RAB3GAP2: variants seen among roughly 807,000 people sequenced by gnomAD.
RAB3GAP2 encodes the protein rab3 GTPase-activating protein non-catalytic subunit.
RAB3GAP2 carries 87 observed loss-of-function variants against 185.3 expected under a neutral mutation model. That is an observed-to-expected ratio of 0.47 (90% CI 0.39 to 0.56). RAB3GAP2 has a LOEUF of 0.56. Among genes scored for constraint, RAB3GAP2 ranks in the 20% least tolerant of loss-of-function variants. The pLI is 0.00. For synonymous variants in RAB3GAP2, 554 were observed against 576.1 expected, an observed-to-expected ratio of 0.96 and a Z score of 0.55; for missense variants, 1,492 against 1,638.2, an observed-to-expected ratio of 0.91 and a Z score of 1.54.
rs1401613283 is a variant in RAB3GAP2, at chr1:220,164,764, C to T, written c.3123G>A (p.Leu1041=). 5.0e-6 allele frequency: 8 copies of T among 1,608,478 alleles called. No individual in the cohort carries two copies. The highest frequency in any genetic ancestry group is 6.8e-6 in the Non-Finnish European group (8 of 1,176,670). The change falls in exon 27 of 35, where the codon TTG becomes TTA. Residue 1041 remains leucine, a synonymous_variant. Coordinates refer to ENST00000358951, the MANE Select transcript of RAB3GAP2 (RefSeq NM_012414.4). Reference sequence around the variant, plus strand: ...GAACATGTGCATTAAATATTTGCTTCAAGTGTTCTATTGACCTAACAAAAA... The same window carrying T: ...GAACATGTGCATTAAATATTTGCTTTAAGTGTTCTATTGACCTAACAAAAA... The part of the protein sequence containing the change: ...ARFFVRSIEH[L]KQIFNAHVQN...
chr1:220,185,719 C>T lies in RAB3GAP2; in HGVS notation c.1802G>A (p.Ser601Asn). The change falls in exon 18 of 35, where the codon AGT becomes AAT. Residue 601 changes from serine to asparagine, a missense_variant. Coordinates refer to ENST00000358951, the MANE Select transcript of RAB3GAP2 (RefSeq NM_012414.4). ...KKQALESILA[S>N]ERLPFSCLRN... ...AAGGCAAGAAAATGGTAAACGTTCA[C>T]TTGCCAAAATGCTTTCCAAAGCCTA... is the stretch of plus-strand genomic sequence containing the variant. 6.2e-7 allele frequency: 1 copy of T among 1,612,160 alleles called. No homozygotes were observed. Among genetic ancestry groups the T allele is most frequent in the South Asian group, 1.1e-5 (1 of 91,046 alleles).
chr1:220,215,171 TA>T (rs1224174331), intron 2 of RAB3GAP2, among the ~76,000 whole-genome samples: 2 of 151,944 alleles, frequency 1.3e-5, no homozygotes, highest in African/African-American at 4.8e-5. Context: ...TATGCTGCAA[TA>T]AATAGGTTTA....
intron 18 of RAB3GAP2, among the ~76,000 whole-genome samples, chr1:220,184,398 A>T (rs1258596305): frequency 6.6e-6 from 1 of 152,146 alleles, no homozygotes; most frequent in Non-Finnish European, 1.5e-5. Flanking sequence ...ATAAAAAAGG[A>T]AGCGGAAATA....
intron 1 of RAB3GAP2, among the ~76,000 whole-genome samples, chr1:220,262,329 AC>A (rs1235838930): frequency 6.6e-6 from 1 of 151,822 alleles, no homozygotes; most frequent in Non-Finnish European, 1.5e-5. Flanking sequence ...AAACAAACAA[AC>A]AAAAAAACAT....
At chr1:220,183,225 C>T (rs1267336247) in intron 19 of RAB3GAP2, among the ~76,000 whole-genome samples, 4 of 150,986 alleles carry the variant, frequency 2.6e-5, no homozygotes, top group Non-Finnish European at 3.0e-5. Context: ...CTTGAGGGTA[C>T]TTTATTATCT....
At chr1:220,231,135 C>T (rs1166575383) in intron 2 of RAB3GAP2, among the ~76,000 whole-genome samples, 2 of 152,194 alleles carry the variant, frequency 1.3e-5, no homozygotes, top group Non-Finnish European at 2.9e-5. Flanking sequence ...AGAATAAACA[C>T]CAAATTCACA....
chr1:220,208,388 C>T (rs1659009320), intron 7 of RAB3GAP2: 1 of 152,096 alleles, frequency 6.6e-6, no homozygotes, highest in Non-Finnish European at 1.5e-5. Flanking sequence ...AAGTCTTCAG[C>T]CTGCAGTTTT....
At chr1:220,210,632 T>C in intron 6 of RAB3GAP2, 143 bp from the exon 7 acceptor site, 4 of 965,844 alleles carry the variant, frequency 4.1e-6, no homozygotes, top group Non-Finnish European at 6.6e-6. Flanking sequence ...TCCTCTTCTC[T>C]GTATCTTCTA....
intron 17 of RAB3GAP2, among the ~76,000 whole-genome samples, chr1:220,187,200 CACAGAGTTCCTATAATTT>C (rs1658522547): frequency 6.6e-6 from 1 of 152,188 alleles, no homozygotes; most frequent in African/African-American, 2.4e-5. Context: ...CAGTACCTGA[CACAGAGTTCCTATAATTT>C]CTTGAACAAT....
chr1:220,154,706 T>C (rs182266904), intron 31 of RAB3GAP2, among the ~76,000 whole-genome samples: 18 of 150,210 alleles, frequency 1.2e-4, no homozygotes, highest in East Asian at 9.9e-4. Context: ...GTAATACATA[T>C]ATGTACCCTG....
At chr1:220,196,229 G>A (rs374975789) in intron 10 of RAB3GAP2, 21 bp downstream of exon 10, 50 of 1,609,436 alleles carry the variant, frequency 3.1e-5, no homozygotes, top group Non-Finnish European at 3.8e-5. Flanking sequence ...CCTTACTCAT[G>A]ATCATTGATA....
chr1:220,169,839 AT>A (rs1401598441), intron 24 of RAB3GAP2, among the ~76,000 whole-genome samples: 1 of 152,242 alleles, frequency 6.6e-6, no homozygotes, highest in African/African-American at 2.4e-5. Flanking sequence ...TTATTAGTCC[AT>A]TTTGAAATGA....
chr1:220,214,923 T>C (rs1659157000), intron 2 of RAB3GAP2, among the ~76,000 whole-genome samples: 2 of 113,302 alleles, frequency 1.8e-5, no homozygotes, highest in African/African-American at 4.3e-5. Flanking sequence ...TTTTCCTCCC[T>C]TTTTCTTACA....
Position 220,149,264 on chromosome 1 carries a change from T to TAAC in RAB3GAP2, c.*1984_*1986dup, listed in dbSNP as rs920658229. The TAAC allele has an allele frequency of 6.6e-6, 1 of 152,164 alleles. No homozygotes were observed. Among genetic ancestry groups the TAAC allele is most frequent in the African/African-American group, 2.4e-5 (1 of 41,460 alleles). The allele number at this position is 152,164 out of a possible 1,614,324, so 9.4% of individuals were successfully genotyped here. A position where few individuals can be genotyped will look rare whatever the true frequency, so the allele number is the denominator to read the frequency against. ...ATGAAAAATTTTAGGATAACAAATCTAACTAGAGACTTAATGATTTGTGTT... is the reference window on the plus strand; with the variant it reads ...ATGAAAAATTTTAGGATAACAAATCTAACAACTAGAGACTTAATGATTTGTGTT... On this transcript the variant is annotated 3_prime_UTR_variant, in exon 35 of 35. Transcript: ENST00000358951.
chr1:220,218,192 C>T (rs994095180), intron 2 of RAB3GAP2, among the ~76,000 whole-genome samples: 8 of 152,072 alleles, frequency 5.3e-5, no homozygotes, highest in Admixed American at 3.3e-4. Flanking sequence ...AATAAAGAAG[C>T]AAAAAGCCAA....
At chr1:220,170,141 C>T (rs997253864) in intron 24 of RAB3GAP2, among the ~76,000 whole-genome samples, 2 of 152,208 alleles carry the variant, frequency 1.3e-5, no homozygotes, top group East Asian at 1.9e-4. Context: ...AGCTGGAAAC[C>T]GTCATTCTCA....
At chr1:220,228,107 G>T (rs138718289) in intron 2 of RAB3GAP2, among the ~76,000 whole-genome samples, 1 of 152,264 alleles carries the variant, frequency 6.6e-6, no homozygotes. Flanking sequence ...TTGACTTCAA[G>T]ACATTCCACT....
intron 6 of RAB3GAP2, 142 bp from the exon 7 acceptor site, chr1:220,210,631 C>A (rs542334008): frequency 1.0e-6 from 1 of 962,070 alleles, no homozygotes; most frequent in African/African-American, 1.6e-5. Context: ...CTCCTCTTCT[C>A]TGTATCTTCT....
rs1038339610 is a variant in RAB3GAP2, at chr1:220,148,977, T to C, written c.*2274A>G. On this transcript the variant is annotated 3_prime_UTR_variant, in exon 35 of 35. Coordinates refer to ENST00000358951, the MANE Select transcript of RAB3GAP2 (RefSeq NM_012414.4). ...AGTTGTGTGAGGGTGGGCATATATC[T>C]AGGAAAACACTACTGGTTACTGGCT... The C allele has an allele frequency of 6.6e-6, 1 of 152,192 alleles. No individual in the cohort carries two copies. The highest frequency in any genetic ancestry group is 2.4e-5 in the African/African-American group (1 of 41,442). The allele number at this position is 152,192 out of a possible 1,614,324, so 9.4% of individuals were successfully genotyped here. A position where few individuals can be genotyped will look rare whatever the true frequency, so the allele number is the denominator to read the frequency against.
Sources: allele counts gnomAD v4.1 joint callset (sites outside exome capture counted in the v4.1 genomes callset), GRCh38; gene constraint gnomAD v4.1.1; transcripts MANE v1.5; gene names NCBI Gene and HGNC (gene_info 2026-07-23, HGNC 2026-07-21).